The following ANKRD11 variants were observed in gnomAD, a reference collection of about 807,000 sequenced individuals.
ANKRD11 encodes the protein ankyrin repeat domain-containing protein 11.
Under a neutral mutation model 195.7 loss-of-function variants are expected in ANKRD11, and 17 were observed. That is an observed-to-expected ratio of 0.09 (90% CI 0.06 to 0.13). ANKRD11 has a LOEUF of 0.13. Among genes scored for constraint, ANKRD11 ranks in the 10% least tolerant of loss-of-function variants. The probability of loss-of-function intolerance (pLI) is 1.00; values close to 1 mark genes in which losing one functional copy is unlikely to be tolerated. For missense variants in ANKRD11, 3,735 were observed against 3,566.1 expected (o/e 1.05, Z -1.21); for synonymous variants, 1,953 against 1,528.1 (o/e 1.28, Z -6.49).
chr16:89,276,090 G>A (rs934323398), intron 9 of ANKRD11, among the ~76,000 whole-genome samples: 1 of 152,200 alleles, frequency 6.6e-6, no homozygotes, highest in Non-Finnish European at 1.5e-5. Context: ...CTGGAACATC[G>A]AGGGGCCAGT....
rs1158284544 is a variant in ANKRD11 at position 89,481,760 on chromosome 16, G to A, written c.-145+8485C>T. Among the ~76,000 whole-genome samples the A allele has an allele frequency of 2.0e-5, 3 of 152,086 alleles. No individual in the cohort carries two copies. The East Asian group carries it at 5.8e-4, about 29-fold the overall frequency. On this transcript the variant is annotated intron_variant, in intron 1 of 12. Coordinates refer to ENST00000301030, the MANE Select transcript of ANKRD11 (RefSeq NM_013275.6). ...GCTGTCATCTTCCATCTTCTTGGAT[G>A]GGCTTTCGTGTTCAGACACGTCTGG...
In ANKRD11 at chr16:89,439,593, C is replaced by T. The variant is rs144627487; in HGVS notation, c.-144-21225G>A. 6.7e-3 allele frequency among the ~76,000 whole-genome samples: 1,015 copies of T among 152,270 alleles called. 10 individuals carry two copies. Among genetic ancestry groups the T allele is most frequent in the African/African-American group, 0.023 (941 of 41,550 alleles). ...TATTTAGGATAAAGCTGAAACACAC[C>T]ACAGCGCCTCAGCAATTGAGGCTGT... On this transcript the variant is annotated intron_variant, in intron 1 of 12. Coordinates refer to ENST00000301030, the MANE Select transcript of ANKRD11 (RefSeq NM_013275.6).
intron 2 of ANKRD11, among the ~76,000 whole-genome samples, chr16:89,396,321 G>C (rs1381595119): frequency 6.6e-6 from 1 of 152,090 alleles, no homozygotes; most frequent in African/African-American, 2.4e-5. Flanking sequence ...GCTGACCTGG[G>C]TCACCTCCAG....
chr16:89,307,511 G>T (rs1393651477), intron 3 of ANKRD11, among the ~76,000 whole-genome samples: 1 of 152,212 alleles, frequency 6.6e-6, no homozygotes, highest in Non-Finnish European at 1.5e-5. Flanking sequence ...ACGGGGACAG[G>T]AGGAGGGTGC....
intron 1 of ANKRD11, among the ~76,000 whole-genome samples, chr16:89,432,017 C>T (rs949129139): frequency 9.2e-5 from 14 of 152,224 alleles, no homozygotes; most frequent in South Asian, 2.1e-4. Flanking sequence ...CTACTGCAAC[C>T]GCTCTGACTT....
intron 1 of ANKRD11, among the ~76,000 whole-genome samples, chr16:89,457,046 G>A (rs1240012057): frequency 2.3e-4 from 33 of 145,290 alleles, no homozygotes; most frequent in Admixed American, 9.9e-4. Context: ...TGCAAGCTCC[G>A]CCTCCCGGGT....
intron 2 of ANKRD11, among the ~76,000 whole-genome samples, chr16:89,401,650 C>A (rs767218039): frequency 7.9e-5 from 12 of 152,130 alleles, no homozygotes; most frequent in African/African-American, 2.9e-4. Flanking sequence ...CCTAGCCCCC[C>A]AACACCACAG....
intron 1 of ANKRD11, among the ~76,000 whole-genome samples, chr16:89,465,107 CG>C (rs1284783055): frequency 4.6e-5 from 7 of 152,198 alleles, no homozygotes; most frequent in Admixed American, 4.6e-4. Flanking sequence ...CAGCCAGGCT[CG>C]TTTTAAGTGT....
chr16:89,355,474 C>T (rs574413693), intron 2 of ANKRD11, among the ~76,000 whole-genome samples: 2 of 152,298 alleles, frequency 1.3e-5, no homozygotes, highest in Admixed American at 6.5e-5. Context: ...GACAAGAATT[C>T]AAAGCCATTT....
intron 2 of ANKRD11, among the ~76,000 whole-genome samples, chr16:89,337,739 C>T (rs2038448246): frequency 6.6e-6 from 1 of 152,172 alleles, no homozygotes; most frequent in Admixed American, 6.5e-5. Flanking sequence ...TGTGCCCGGC[C>T]TGGTCTAAGC....
At chr16:89,437,022 G>C (rs1359027422) in intron 1 of ANKRD11, among the ~76,000 whole-genome samples, 1 of 152,152 alleles carries the variant, frequency 6.6e-6, no homozygotes, top group Non-Finnish European at 1.5e-5. Context: ...TAGAACATTT[G>C]TCCCCAATAT....
chr16:89,454,872 C>T (rs2056360299), intron 1 of ANKRD11, among the ~76,000 whole-genome samples: 1 of 94,002 alleles, frequency 1.1e-5, no homozygotes, highest in African/African-American at 4.6e-5. Context: ...TCAAGCTGCT[C>T]CCCTGGGTGC....
chr16:89,398,080 A>T (rs1470075000), intron 2 of ANKRD11, among the ~76,000 whole-genome samples: 2 of 151,498 alleles, frequency 1.3e-5, no homozygotes, highest in Admixed American at 1.3e-4. Context: ...GCTGTGAAAC[A>T]GCTGAAGATT....
At chr16:89,423,607 C>T (rs1053591418) in intron 1 of ANKRD11, among the ~76,000 whole-genome samples, 3 of 152,226 alleles carry the variant, frequency 2.0e-5, no homozygotes, top group African/African-American at 7.2e-5. Flanking sequence ...AGGCACTCAG[C>T]ACCTGACCCA....
intron 1 of ANKRD11, among the ~76,000 whole-genome samples, chr16:89,489,783 CCCGCCCCGGAGCCCCCTGT>C (rs1375690625): frequency 7.2e-6 from 1 of 138,050 alleles, no homozygotes; most frequent in Non-Finnish European, 1.6e-5. Flanking sequence ...GCCCCCGAGG[CCCGCCCCGGAGCCCCCTGT>C]CCGCCTCTCA....
At chr16:89,464,796 G>A (rs923042732) in intron 1 of ANKRD11, among the ~76,000 whole-genome samples, 1 of 152,024 alleles carries the variant, frequency 6.6e-6, no homozygotes, top group South Asian at 2.1e-4. Flanking sequence ...TCTACAGAAG[G>A]AAGAAGCCGC....
At chr16:89,313,441 A>G (rs1409971745) in intron 3 of ANKRD11, 3 of 1,289,128 alleles carry the variant, frequency 2.3e-6, no homozygotes, top group Non-Finnish European at 3.0e-6. Context: ...CCTTTCTCTG[A>G]CACGCCTGCC....
Position 89,455,245 on chromosome 16 carries a change from C to T in ANKRD11, c.-145+35000G>A, listed in dbSNP as rs375229345. 6.4e-4 allele frequency among the ~76,000 whole-genome samples: 94 copies of T among 146,004 alleles called. 1 individual carries two copies. The highest frequency in any genetic ancestry group is 5.7e-3 in the East Asian group (27 of 4,732). On this transcript the variant is annotated intron_variant, in intron 1 of 12. Transcript: ENST00000301030. Reference sequence around the variant, plus strand: ...GTTCCTCAAGCTGCTCCCCTGGGTGCTGTTAGGCTTCCTCAAGCTGCTCCC... The same window carrying T: ...GTTCCTCAAGCTGCTCCCCTGGGTGTTGTTAGGCTTCCTCAAGCTGCTCCC...
chr16:89,454,024 G>C (rs145125731), intron 1 of ANKRD11, among the ~76,000 whole-genome samples: 3 of 152,330 alleles, frequency 2.0e-5, no homozygotes, highest in African/African-American at 7.2e-5. Flanking sequence ...GCACACAGAA[G>C]AGCACCCGGC....
Sources: allele counts gnomAD v4.1 joint callset (sites outside exome capture counted in the v4.1 genomes callset), GRCh38; gene constraint gnomAD v4.1.1; transcripts MANE v1.5; gene names NCBI Gene and HGNC (gene_info 2026-07-23, HGNC 2026-07-21).